TBC1D1: variants seen among roughly 807,000 people sequenced by gnomAD.
The protein encoded by TBC1D1 is TBC1 domain family member 1, also known as TBC1 (tre-2/USP6, BUB2, cdc16) domain family, member 1.
TBC1D1 carries 89 observed loss-of-function variants against 125.6 expected under a neutral mutation model. The ratio of observed to expected loss-of-function variants is 0.71; its 90% CI spans 0.60 to 0.85. The LOEUF (loss-of-function observed/expected upper bound fraction) is 0.85. TBC1D1 is among the 40% of genes least tolerant of loss of function. The probability of loss-of-function intolerance (pLI) is 0.00; values close to 1 mark genes in which losing one functional copy is unlikely to be tolerated. For synonymous variants in TBC1D1, 565 were observed against 564.1 expected, an observed-to-expected ratio of 1.00 and a Z score of -0.02; for missense variants, 1,377 against 1,469.2, an observed-to-expected ratio of 0.94 and a Z score of 1.03.
chr4:38,003,371 A>G (rs1427515022), intron 2 of TBC1D1, among the ~76,000 whole-genome samples: 2 of 152,152 alleles, frequency 1.3e-5, no homozygotes, highest in South Asian at 2.1e-4. Flanking sequence ...TCATACTCAT[A>G]TTTGAGATTG....
chr4:38,043,870 A>G (rs1161839419), intron 8 of TBC1D1, among the ~76,000 whole-genome samples: 2 of 152,184 alleles, frequency 1.3e-5, no homozygotes, highest in Non-Finnish European at 2.9e-5. Context: ...CACCTTCTGA[A>G]ATGCCCCCAA....
At chr4:37,971,061 TGTCAGGGTTTGTTTTGGTGGGGATATG>T (rs1731912023) in intron 2 of TBC1D1, among the ~76,000 whole-genome samples, 1 of 151,962 alleles carries the variant, frequency 6.6e-6, no homozygotes, top group African/African-American at 2.4e-5. Flanking sequence ...GGGGCAGGAG[TGTCAGGGTTTGTTTTGGTGGGGATATG>T]GTCAGGCTTA....
chr4:38,006,736 C>T lies in TBC1D1; in HGVS notation c.418-7773C>T, dbSNP rs141304358. On this transcript the variant is annotated intron_variant, in intron 2 of 19. Coordinates refer to ENST00000261439, the MANE Select transcript of TBC1D1 (RefSeq NM_015173.4). The stretch of plus-strand genomic sequence containing the variant: ...CCTTGTGATCCGCCCACCTTGGCCT[C>T]CCAAAGTGCTGGGATTACAGGCGTG... 2.8e-3 allele frequency: 1,105 copies of T among 391,928 alleles called. 5 individuals are homozygous for T. The highest frequency in any genetic ancestry group is 0.022 in the African/African-American group (1,021 of 46,984). The allele number at this position is 391,928 out of a possible 1,614,324, so 24.3% of individuals were successfully genotyped here.
At position 38,137,205 on chromosome 4, in the gene TBC1D1, AGCAG is replaced by A. The variant is rs1379092356; in HGVS notation, c.3380_3383del (p.Gln1127ProfsTer5). On this transcript the variant is annotated frameshift_variant, in exon 20 of 20. Coordinates refer to ENST00000261439, the MANE Select transcript of TBC1D1 (RefSeq NM_015173.4). LOFTEE classifies it low-confidence loss of function (END_TRUNC). The stretch of plus-strand genomic sequence containing the variant: ...CTCCTGAGCAGTGAGAGCAAGCTGA[AGCAG>A]GCCATGCTTACCTTAGAACTGGAGC... 1.2e-6 allele frequency: 2 copies of A among 1,613,030 alleles called. No individual in the cohort carries two copies. Among genetic ancestry groups the A allele is most frequent in the Non-Finnish European group, 1.7e-6 (2 of 1,180,046 alleles).
chr4:38,107,135 C>G (rs1263777097), intron 15 of TBC1D1, among the ~76,000 whole-genome samples: 1 of 152,242 alleles, frequency 6.6e-6, no homozygotes, highest in Non-Finnish European at 1.5e-5. Flanking sequence ...CTGTGTCTCT[C>G]TCCAGGCTTT....
chr4:37,975,728 CTGTA>C (rs1408634170), intron 2 of TBC1D1, among the ~76,000 whole-genome samples: 2 of 152,118 alleles, frequency 1.3e-5, no homozygotes, highest in Non-Finnish European at 2.9e-5. Context: ...GCTCCTATCT[CTGTA>C]TGGCCTGGTT....
chr4:37,908,775 G>A (rs1577794337), intron 2 of TBC1D1, among the ~76,000 whole-genome samples: 1 of 152,132 alleles, frequency 6.6e-6, no homozygotes, highest in East Asian at 1.9e-4. Context: ...TTTCTTGCTG[G>A]GAGAAAGGCT....
chr4:38,060,326 A>G (rs2152495799), intron 12 of TBC1D1, among the ~76,000 whole-genome samples: 1 of 152,338 alleles, frequency 6.6e-6, no homozygotes, highest in East Asian at 1.9e-4. Context: ...GTTTGAACTA[A>G]TTTACATTCT....
chr4:38,137,477 C>G lies in TBC1D1; in HGVS notation c.*142C>G, dbSNP rs992477791. On this transcript the variant is annotated 3_prime_UTR_variant, in exon 20 of 20. Transcript: ENST00000261439. ...CGGCTTGCCAGCAAGTAGATTCTTA[C>G]GAACTCCAACTTGCAATTCAGGGGG... 4.9e-6 allele frequency: 6 copies of G among 1,215,720 alleles called. No homozygotes were observed. Among genetic ancestry groups the G allele is most frequent in the East Asian group, 5.8e-5 (2 of 34,392 alleles). The allele number at this position is 1,215,720 out of a possible 1,614,324, so 75.3% of individuals were successfully genotyped here.
At chr4:37,983,750 A>G (rs1007377882) in intron 2 of TBC1D1, among the ~76,000 whole-genome samples, 1 of 152,228 alleles carries the variant, frequency 6.6e-6, no homozygotes, top group Non-Finnish European at 1.5e-5. Context: ...CTATATTGAC[A>G]TATGATTATC....
intron 2 of TBC1D1, among the ~76,000 whole-genome samples, chr4:37,979,385 C>T (rs774686655): frequency 2.6e-5 from 4 of 152,082 alleles, no homozygotes; most frequent in South Asian, 4.1e-4. Context: ...TTTTAGAATA[C>T]GAAATTAGTC....
intron 15 of TBC1D1, among the ~76,000 whole-genome samples, chr4:38,108,107 ATTC>A (rs750093232): frequency 6.6e-6 from 1 of 152,114 alleles, no homozygotes; most frequent in Non-Finnish European, 1.5e-5. Flanking sequence ...TTTCATGTCT[ATTC>A]TTTGACTCTC....
At chr4:37,894,299 T>G (rs996581452) in intron 1 of TBC1D1, among the ~76,000 whole-genome samples, 2 of 152,184 alleles carry the variant, frequency 1.3e-5, no homozygotes, top group African/African-American at 2.4e-5. Flanking sequence ...TTTTTGACAT[T>G]TCTAAGCCAA....
chr4:38,064,092 T>C (rs2152500786), intron 12 of TBC1D1, among the ~76,000 whole-genome samples: 1 of 152,372 alleles, frequency 6.6e-6, no homozygotes, highest in South Asian at 2.1e-4. Context: ...ATATAATATG[T>C]GGTCTTTTGT....
intron 14 of TBC1D1, among the ~76,000 whole-genome samples, chr4:38,101,604 A>C (rs1482982890): frequency 3.9e-5 from 6 of 152,238 alleles, no homozygotes; most frequent in African/African-American, 1.4e-4. Flanking sequence ...GGATGCTCAC[A>C]TGGCAATGTC....
intron 16 of TBC1D1, 61 bp from the exon 19 acceptor site, chr4:38,117,972 G>A (rs1763244675): frequency 6.0e-6 from 9 of 1,491,762 alleles, no homozygotes; most frequent in Admixed American, 5.2e-5. Flanking sequence ...TGAGCAGTAG[G>A]CATAACTTTA....
intron 15 of TBC1D1, among the ~76,000 whole-genome samples, chr4:38,109,691 ACT>A (rs1761916951): frequency 6.6e-6 from 1 of 151,672 alleles, no homozygotes; most frequent in Non-Finnish European, 1.5e-5. Flanking sequence ...TCCTAGAAGG[ACT>A]CTCCCTTAAT....
intron 12 of TBC1D1, among the ~76,000 whole-genome samples, chr4:38,079,956 G>C (rs934381561): frequency 6.6e-5 from 10 of 152,246 alleles, no homozygotes; most frequent in African/African-American, 2.4e-4. Flanking sequence ...AACCTTTTGT[G>C]TGCATTAGAA....
intron 2 of TBC1D1, among the ~76,000 whole-genome samples, chr4:37,980,469 C>T (rs1169593202): frequency 1.3e-5 from 2 of 152,214 alleles, no homozygotes; most frequent in Non-Finnish European, 2.9e-5. Flanking sequence ...TGTTTCTATG[C>T]CTCCATGTAT....
Sources: gnomAD v4.1 joint callset for allele counts (sites outside exome capture counted in the v4.1 genomes callset) on GRCh38, gnomAD v4.1.1 for gene constraint, MANE v1.5 for transcripts, NCBI Gene and HGNC (gene_info 2026-07-23, HGNC 2026-07-21) for gene names.